Variants in GUCY1A2 observed in about 807,000 individuals in gnomAD.
The protein encoded by GUCY1A2 is guanylate cyclase 1 soluble subunit alpha 2.
GUCY1A2 carries 27 observed loss-of-function variants against 63.5 expected under a neutral mutation model. The observed-to-expected ratio is 0.43, with a 90% CI of 0.31 to 0.59. The LOEUF (loss-of-function observed/expected upper bound fraction) is 0.59. Among genes scored for constraint, GUCY1A2 ranks in the 20% least tolerant of loss-of-function variants. GUCY1A2 has a pLI of 0.11. For synonymous variants in GUCY1A2, 364 were observed against 343.5 expected, an observed-to-expected ratio of 1.06 and a Z score of -0.66; for missense variants, 768 against 913.3, an observed-to-expected ratio of 0.84 and a Z score of 2.05.
At chr11:106,793,283 G>A (rs1864694625) in intron 5 of GUCY1A2, among the ~76,000 whole-genome samples, 1 of 152,014 alleles carries the variant, frequency 6.6e-6, no homozygotes, top group East Asian at 1.9e-4. Context: ...TAAATTGGTT[G>A]GGCAGCTAGA....
intron 7 of GUCY1A2, among the ~76,000 whole-genome samples, chr11:106,706,378 GTGAAGGTGCAGAACAA>G (rs1862911046): frequency 6.6e-6 from 1 of 152,064 alleles, no homozygotes. Flanking sequence ...GGGCCTGGGG[GTGAAGGTGCAGAACAA>G]TAACACAACA....
At chr11:106,798,922 AG>A (rs1477944256) in intron 5 of GUCY1A2, among the ~76,000 whole-genome samples, 1 of 152,208 alleles carries the variant, frequency 6.6e-6, no homozygotes, top group East Asian at 1.9e-4. Context: ...CAGGGCAATC[AG>A]GCAGGAGAGA....
intron 6 of GUCY1A2, among the ~76,000 whole-genome samples, chr11:106,749,315 G>C (rs910086493): frequency 1.3e-5 from 2 of 152,006 alleles, no homozygotes; most frequent in Admixed American, 6.6e-5. Flanking sequence ...TGTATGTATT[G>C]TCCACAAGAG....
chr11:106,952,580 A>G (rs1396349807), intron 3 of GUCY1A2, among the ~76,000 whole-genome samples: 2 of 152,046 alleles, frequency 1.3e-5, no homozygotes, highest in Non-Finnish European at 2.9e-5. Flanking sequence ...ATTTTTGCAC[A>G]CTAATTTTGC....
intron 4 of GUCY1A2, among the ~76,000 whole-genome samples, chr11:106,823,639 G>C (rs1858930847): frequency 6.6e-6 from 1 of 152,084 alleles, no homozygotes; most frequent in Admixed American, 6.6e-5. Flanking sequence ...AGTCCTTTGA[G>C]CTATTTCCAT....
At chr11:106,766,330 A>G (rs1225065045) in intron 6 of GUCY1A2, among the ~76,000 whole-genome samples, 3 of 152,150 alleles carry the variant, frequency 2.0e-5, no homozygotes, top group Non-Finnish European at 4.4e-5. Context: ...CATCTTTGGT[A>G]CACTGTGTGT....
At chr11:106,798,258 T>A (rs1178064247) in intron 5 of GUCY1A2, among the ~76,000 whole-genome samples, 1 of 152,110 alleles carries the variant, frequency 6.6e-6, no homozygotes, top group Non-Finnish European at 1.5e-5. Context: ...GGTCTGAAAT[T>A]GAGGCAATCA....
chr11:107,001,239 T>C (rs887631560), intron 1 of GUCY1A2, among the ~76,000 whole-genome samples: 7 of 152,176 alleles, frequency 4.6e-5, no homozygotes, highest in African/African-American at 1.7e-4. Flanking sequence ...ATAAGTATTT[T>C]CCCCAAATAA....
chr11:107,010,737 T>C (rs1420516176), intron 1 of GUCY1A2, among the ~76,000 whole-genome samples: 2 of 152,130 alleles, frequency 1.3e-5, no homozygotes, highest in Non-Finnish European at 2.9e-5. Flanking sequence ...GCACTTTTTT[T>C]TTACTTTTTT....
chr11:106,994,993 G>C (rs1263887228), intron 1 of GUCY1A2, among the ~76,000 whole-genome samples: 3 of 152,000 alleles, frequency 2.0e-5, no homozygotes, highest in Non-Finnish European at 4.4e-5. Flanking sequence ...TTGGTTCAGT[G>C]TGAATGAAAA....
chr11:106,798,833 C>G (rs1290660870), intron 5 of GUCY1A2, among the ~76,000 whole-genome samples: 1 of 151,854 alleles, frequency 6.6e-6, no homozygotes, highest in East Asian at 1.9e-4. Context: ...AAACTGGAAG[C>G]ATTCCCTTTG....
At chr11:106,926,537 T>C (rs1591330350) in intron 4 of GUCY1A2, among the ~76,000 whole-genome samples, 1 of 151,862 alleles carries the variant, frequency 6.6e-6, no homozygotes, top group Non-Finnish European at 1.5e-5. Flanking sequence ...GAACAGTTCA[T>C]ACCAGACCCA....
At chr11:106,960,484 A>G (rs1216114180) in intron 3 of GUCY1A2, among the ~76,000 whole-genome samples, 1 of 152,154 alleles carries the variant, frequency 6.6e-6, no homozygotes, top group African/African-American at 2.4e-5. Flanking sequence ...TTTGTGCAGC[A>G]CTCTACTGTA....
At chr11:106,756,011 C>A (rs1023750352) in intron 6 of GUCY1A2, among the ~76,000 whole-genome samples, 1 of 152,134 alleles carries the variant, frequency 6.6e-6, no homozygotes, top group Non-Finnish European at 1.5e-5. Context: ...TAAGGACTTG[C>A]TTTATGAATC....
intron 3 of GUCY1A2, among the ~76,000 whole-genome samples, chr11:106,945,296 A>C (rs1425872499): frequency 1.3e-5 from 2 of 152,174 alleles, no homozygotes; most frequent in African/African-American, 4.8e-5. Flanking sequence ...GAGAGAACTG[A>C]AACCTAAAAG....
intron 4 of GUCY1A2, among the ~76,000 whole-genome samples, chr11:106,813,415 G>T (rs1858790769): frequency 6.6e-6 from 1 of 151,762 alleles, no homozygotes; most frequent in Non-Finnish European, 1.5e-5. Flanking sequence ...TTGTTATATA[G>T]GTAAATTCAT....
chr11:106,677,906 C>A lies in GUCY1A2; in HGVS notation c.*9643G>T. 5.0e-6 allele frequency: 1 copy of A among 200,802 alleles called. No homozygotes were observed. The highest frequency in any genetic ancestry group is 7.6e-5 in the East Asian group (1 of 13,186). The allele number at this position is 200,802 out of a possible 1,614,324, so 12.4% of individuals were successfully genotyped here. A position where few individuals can be genotyped will look rare whatever the true frequency, so the allele number is the denominator to read the frequency against. ...AGCCAGGTAATCATTTGGATTTTAG[C>A]AGGAGAATTTTTTTTAGACAGAATA... On this transcript the variant is annotated 3_prime_UTR_variant, in exon 8 of 8. Coordinates refer to ENST00000526355, the MANE Select transcript of GUCY1A2 (RefSeq NM_000855.3).
chr11:106,990,922 T>C (rs1861462559), intron 1 of GUCY1A2, among the ~76,000 whole-genome samples: 1 of 152,202 alleles, frequency 6.6e-6, no homozygotes, highest in African/African-American at 2.4e-5. Flanking sequence ...CTTAGTGACA[T>C]ATACTCACAA....
chr11:106,835,264 A>T (rs1229301212), intron 4 of GUCY1A2, among the ~76,000 whole-genome samples: 1 of 151,950 alleles, frequency 6.6e-6, no homozygotes, highest in African/African-American at 2.4e-5. Flanking sequence ...ATAAATTTTT[A>T]AAAAATGGTT....
Sources: allele counts gnomAD v4.1 joint callset (sites outside exome capture counted in the v4.1 genomes callset), GRCh38; gene constraint gnomAD v4.1.1; transcripts MANE v1.5; gene names NCBI Gene and HGNC (gene_info 2026-07-23, HGNC 2026-07-21).